SETX: variants seen among roughly 807,000 people sequenced by gnomAD.
SETX encodes the protein senataxin.
A neutral mutation model predicts 227.2 loss-of-function variants in SETX; 90 were observed. That is an observed-to-expected ratio of 0.40 (90% CI 0.33 to 0.47). The LOEUF (loss-of-function observed/expected upper bound fraction) is 0.47. SETX is among the 20% of genes least tolerant of loss of function. SETX has a pLI of 0.91. For missense variants in SETX, 3,052 were observed against 3,181.5 expected (o/e 0.96, Z 0.98); for synonymous variants, 1,210 against 1,113.2 (o/e 1.09, Z -1.73).
At chr9:132,353,395 G>A (rs1303743788) in intron 2 of SETX, among the ~76,000 whole-genome samples, 1 of 151,980 alleles carries the variant, frequency 6.6e-6, no homozygotes, top group African/African-American at 2.4e-5. Flanking sequence ...AAGTAGAAAA[G>A]ATCCTATGGA....
chr9:132,319,377 CCA>C (rs1357878314), intron 10 of SETX, among the ~76,000 whole-genome samples: 2 of 152,178 alleles, frequency 1.3e-5, no homozygotes, highest in Non-Finnish European at 2.9e-5. Flanking sequence ...TACTATTCCC[CCA>C]GTCTAAATGA....
At chr9:132,308,368 G>A (rs1317073330) in intron 11 of SETX, among the ~76,000 whole-genome samples, 1 of 151,864 alleles carries the variant, frequency 6.6e-6, no homozygotes, top group African/African-American at 2.4e-5. Context: ...CACCACCAAG[G>A]GGATGCAATA....
chr9:132,281,998 G>A (rs1843545901), intron 19 of SETX, among the ~76,000 whole-genome samples: 1 of 147,366 alleles, frequency 6.8e-6, no homozygotes, highest in African/African-American at 2.5e-5. Context: ...CTCCGGTCTG[G>A]GTGAGTGCAG....
intron 13 of SETX, 27 bp downstream of exon 13, chr9:132,298,053 T>G (rs780308854): frequency 4.5e-6 from 7 of 1,539,196 alleles, no homozygotes; most frequent in Non-Finnish European, 5.4e-6. Context: ...AACATGAAAT[T>G]ATCTAGTATC....
intron 11 of SETX, among the ~76,000 whole-genome samples, chr9:132,301,088 CT>C (rs200657740): frequency 2.9e-3 from 357 of 123,898 alleles, no homozygotes; most frequent in African/African-American, 7.2e-3. Flanking sequence ...GTTTATTCTG[CT>C]TTTTTTTTTT....
intron 3 of SETX, among the ~76,000 whole-genome samples, chr9:132,348,876 C>T (rs555674346): frequency 1.3e-5 from 2 of 152,252 alleles, no homozygotes; most frequent in South Asian, 2.1e-4. Context: ...TGCAGTGAAC[C>T]GTGATCGCAC....
In SETX at chr9:132,297,060, T is replaced by C. The variant is rs781129157; in HGVS notation, c.5782-6A>G. The stretch of plus-strand genomic sequence containing the variant: ...AAATCTCTTAAGTACGCAATCTATA[T>C]AAAAAACACATTTTTGAGAATGAGT... On this transcript the variant is annotated splice_region_variant and splice_polypyrimidine_tract_variant and intron_variant, in intron 13 of 25. Transcript: ENST00000224140. The C allele has an allele frequency of 6.8e-6, 11 of 1,607,332 alleles. No homozygotes were observed. The highest frequency in any genetic ancestry group is 2.2e-5 in the East Asian group (1 of 44,818).
rs1363467319 is a variant in SETX at position 132,339,039 on chromosome 9, G to A, written c.499-2524C>T. On this transcript the variant is annotated intron_variant, in intron 5 of 25. Coordinates refer to ENST00000224140, the MANE Select transcript of SETX (RefSeq NM_015046.7). ...TGGCTTCCCAAAGGCCTGGGCTTTC[G>A]AGCATGAGCGACCATGCCCAGCCCT... Among the ~76,000 whole-genome samples the A allele has an allele frequency of 2.6e-5, 4 of 152,256 alleles. 1 individual carries two copies. Among genetic ancestry groups the A allele is most frequent in the Non-Finnish European group, 4.4e-5 (3 of 68,012 alleles).
chr9:132,347,208 C>T (rs920095594), intron 3 of SETX, among the ~76,000 whole-genome samples: 3 of 151,458 alleles, frequency 2.0e-5, no homozygotes, highest in South Asian at 2.1e-4. Flanking sequence ...GCCAAGATCA[C>T]GCCACTGCAC....
chr9:132,277,480 T>TA (rs34884489), intron 21 of SETX, among the ~76,000 whole-genome samples: 2 of 151,960 alleles, frequency 1.3e-5, no homozygotes, highest in African/African-American at 2.4e-5. Flanking sequence ...ATATGCATAG[T>TA]AAAAGGACTG....
intron 23 of SETX, among the ~76,000 whole-genome samples, chr9:132,274,265 A>T (rs1461619939): frequency 6.6e-6 from 1 of 152,154 alleles, no homozygotes; most frequent in Non-Finnish European, 1.5e-5. Flanking sequence ...CTTTGGTATC[A>T]GTGTAATACT....
At chr9:132,343,687 T>G (rs940473335) in intron 4 of SETX, among the ~76,000 whole-genome samples, 1 of 152,198 alleles carries the variant, frequency 6.6e-6, no homozygotes, top group Non-Finnish European at 1.5e-5. Context: ...TAGAAAAGCA[T>G]GAAGGGCACT....
chr9:132,265,088 G>C lies in SETX; in HGVS notation c.7288-103C>G, dbSNP rs193266042. 9 of 1,298,830 alleles carry C rather than the reference G, an allele frequency of 6.9e-6. No homozygotes were observed. In the African/African-American group the frequency reaches 1.0e-4, roughly 15 times the overall value. The allele number at this position is 1,298,830 out of a possible 1,614,324, so 80.5% of individuals were successfully genotyped here. ...TTCTGAACAAATAATACATATTATT[G>C]TATGAACATATTCTCAAGATTCATT... is the stretch of plus-strand genomic sequence containing the variant. On this transcript the variant is annotated intron_variant, in intron 25 of 25. Coordinates refer to ENST00000224140, the MANE Select transcript of SETX (RefSeq NM_015046.7).
Position 132,328,950 on chromosome 9 carries a change from T to A in SETX, c.2648A>T (p.Asn883Ile). The A allele has an allele frequency of 1.2e-6, 2 of 1,611,072 alleles. No individual in the cohort carries two copies. Among genetic ancestry groups the A allele is most frequent in the Non-Finnish European group, 1.7e-6 (2 of 1,179,130 alleles). The change falls in exon 10 of 26, where the codon AAT (asparagine) becomes ATT (isoleucine). Residue 883 changes from asparagine to isoleucine, a missense_variant. Coordinates refer to ENST00000224140, the MANE Select transcript of SETX (RefSeq NM_015046.7). ...AACATGAAATTCCTGTATTTTACAA[T>A]TGTTTTCATGGAAAGAGAAAATAAC... ...ELVIFSFHENNCKIQEFHVDG... is the reference protein window; with the variant it reads ...ELVIFSFHENICKIQEFHVDG...
chr9:132,288,316 T>G lies in SETX; in HGVS notation c.6244A>C (p.Lys2082Gln). The G allele has an allele frequency of 3.7e-6, 6 of 1,614,208 alleles. No individual in the cohort carries two copies. The highest frequency in any genetic ancestry group is 5.1e-6 in the Non-Finnish European group (6 of 1,180,002). The stretch of plus-strand genomic sequence containing the variant: ...TGATAATCTAGAAATTCCTTTCTTT[T>G]ATGCATCGCCTGAACATGAGAAGGT... ...ELPSHVQAMH[K>Q]RKEFLDYQLD... Residue 2082 changes from lysine (K) to glutamine (Q), a missense_variant, in exon 17 of 26, where the codon AAA becomes CAA. Coordinates refer to ENST00000224140, the MANE Select transcript of SETX (RefSeq NM_015046.7).
intron 5 of SETX, among the ~76,000 whole-genome samples, chr9:132,341,563 A>G (rs572476946): frequency 6.6e-6 from 1 of 152,332 alleles, no homozygotes; most frequent in East Asian, 1.9e-4. Flanking sequence ...ACCTTTGGTT[A>G]CATAAGGGCT....
intron 2 of SETX, among the ~76,000 whole-genome samples, chr9:132,349,659 G>C (rs1564166634): frequency 6.6e-6 from 1 of 152,108 alleles, no homozygotes; most frequent in Non-Finnish European, 1.5e-5. Context: ...ATTGTATAAG[G>C]AATAAGTATC....
chr9:132,318,346 C>G (rs961250927), intron 10 of SETX, among the ~76,000 whole-genome samples: 1 of 152,096 alleles, frequency 6.6e-6, no homozygotes, highest in Non-Finnish European at 1.5e-5. Context: ...CCATGTTGTT[C>G]GGTTTGTTAC....
At chr9:132,322,617 A>G (rs1404120673) in intron 10 of SETX, among the ~76,000 whole-genome samples, 1 of 152,146 alleles carries the variant, frequency 6.6e-6, no homozygotes, top group African/African-American at 2.4e-5. Context: ...CCATTCATCA[A>G]CTGACACACA....
Sources: allele counts gnomAD v4.1 joint callset (sites outside exome capture counted in the v4.1 genomes callset), GRCh38; gene constraint gnomAD v4.1.1; transcripts MANE v1.5; gene names NCBI Gene and HGNC (gene_info 2026-07-23, HGNC 2026-07-21).